TSHZ3: variants seen among roughly 807,000 people sequenced by gnomAD.
TSHZ3 encodes the protein teashirt zinc finger homeobox 3.
A neutral mutation model predicts 64.5 loss-of-function variants in TSHZ3; 10 were observed. The ratio of observed to expected loss-of-function variants is 0.16; its 90% CI spans 0.10 to 0.26. The LOEUF (loss-of-function observed/expected upper bound fraction) is 0.26, where lower values mean the gene tolerates loss of function less well. Among genes scored for constraint, TSHZ3 ranks in the 10% least tolerant of loss-of-function variants. TSHZ3 has a pLI of 1.00. For synonymous variants in TSHZ3, 608 were observed against 593.1 expected, an observed-to-expected ratio of 1.03 and a Z score of -0.36; for missense variants, 1,242 against 1,421.7, an observed-to-expected ratio of 0.87 and a Z score of 2.03.
chr19:31,206,277 G>A (rs938006017), intron 4 of TSHZ3, among the ~76,000 whole-genome samples: 24 of 151,182 alleles, frequency 1.6e-4, no homozygotes, highest in Admixed American at 4.6e-4. Flanking sequence ...GGATGGATAC[G>A]TAGATGGATG....
At position 31,334,496 on chromosome 19, in the gene TSHZ3, C is replaced by A. The variant is rs2145187157; in HGVS notation, c.40+14684G>T. On this transcript the variant is annotated intron_variant, in intron 1 of 1. Transcript: ENST00000240587. ...TTTAAGTGTTTTGGAATGTCTCTACCTACAGGGAGTCACACTGGTTAATTT... is the reference window on the plus strand; with the variant it reads ...TTTAAGTGTTTTGGAATGTCTCTACATACAGGGAGTCACACTGGTTAATTT... Among the ~76,000 whole-genome samples, 2 of 152,288 alleles carry A rather than the reference C, an allele frequency of 1.3e-5. 1 individual carries two copies. The highest frequency in any genetic ancestry group is 3.9e-4 in the East Asian group (2 of 5,176).
chr19:31,156,731 AAT>A (rs146842650), intron 5 of TSHZ3, among the ~76,000 whole-genome samples: 1,916 of 152,354 alleles, frequency 0.013, 30 homozygotes, highest in East Asian at 0.067. Flanking sequence ...GATAAAGTGC[AAT>A]ATGCTTTGTG....
At chr19:31,250,965 C>T (rs1975832513) in intron 1 of TSHZ3, among the ~76,000 whole-genome samples, 1 of 152,116 alleles carries the variant, frequency 6.6e-6, no homozygotes, top group South Asian at 2.1e-4. Context: ...CAGGGAGGGG[C>T]AGGCACACCA....
intron 1 of TSHZ3, among the ~76,000 whole-genome samples, chr19:31,304,156 G>A (rs56100208): frequency 0.021 from 3,162 of 152,212 alleles, 99 homozygotes; most frequent in African/African-American, 0.071. Context: ...TGTATTTTTA[G>A]TAGAGACGGG....
chr19:31,219,651 A>G (rs918105846), intron 4 of TSHZ3, among the ~76,000 whole-genome samples: 1 of 151,920 alleles, frequency 6.6e-6, no homozygotes, highest in Non-Finnish European at 1.5e-5. Context: ...TTTAAAGAAG[A>G]AAAACATTGA....
chr19:31,233,183 C>T (rs1340141482), intron 3 of TSHZ3, among the ~76,000 whole-genome samples: 3 of 152,172 alleles, frequency 2.0e-5, no homozygotes, highest in African/African-American at 7.2e-5. Context: ...ACACTCCCTC[C>T]CCTCCCCAGT....
Position 31,279,699 on chromosome 19 carries a change from G to A in TSHZ3, c.94C>T (p.Pro32Ser), listed in dbSNP as rs200205002. ...TCTCCATCTGCCGTATGCTCCTCTG[G>A]GTCTAAACCTTCGTCCACCAGGGCA... ...AAALVDEGLD[P>S]EEHTADGEPS... is the part of the protein sequence containing the mutation. The change falls in exon 2 of 2, where the codon CCA becomes TCA. Residue 32 changes from proline (P) to serine (S), a missense_variant. By Grantham distance (74) the Pro-to-Ser change is moderately conservative (BLOSUM62 -1). Coordinates refer to ENST00000240587, the MANE Select transcript of TSHZ3 (RefSeq NM_020856.4). The surrounding 1 kb of genome is among the most constrained non-coding windows in gnomAD (Gnocchi z 6.4). 7.5e-5 allele frequency: 115 copies of A among 1,540,942 alleles called. No homozygotes were observed. In the East Asian group the frequency reaches 2.0e-3, roughly 26 times the overall value.
chr19:31,170,302 G>A (rs967376214), intron 5 of TSHZ3, among the ~76,000 whole-genome samples: 2 of 152,102 alleles, frequency 1.3e-5, no homozygotes, highest in African/African-American at 4.8e-5. Context: ...GGGAAACAGA[G>A]CTCTGGTAGT....
intron 1 of TSHZ3, among the ~76,000 whole-genome samples, chr19:31,293,372 T>C (rs2145132669): frequency 6.6e-6 from 1 of 152,350 alleles, no homozygotes; most frequent in African/African-American, 2.4e-5. Flanking sequence ...AAAGCCCAGG[T>C]TAACCAAGCC....
intron 3 of TSHZ3, among the ~76,000 whole-genome samples, chr19:31,233,930 C>G (rs1244908733): frequency 1.6e-5 from 2 of 124,042 alleles, no homozygotes; most frequent in East Asian, 4.5e-4. Flanking sequence ...TTTGTTAATT[C>G]CTACCAAAAA....
chr19:31,242,283 T>C (rs1975701468), exon 3 of TSHZ3, among the ~76,000 whole-genome samples: 1 of 152,150 alleles, frequency 6.6e-6, no homozygotes, highest in African/African-American at 2.4e-5. Context: ...TTATGGAGGC[T>C]GAGAAGTCCT....
intron 1 of TSHZ3, among the ~76,000 whole-genome samples, chr19:31,287,720 G>A (rs1049330510): frequency 1.3e-5 from 2 of 152,096 alleles, no homozygotes; most frequent in Non-Finnish European, 2.9e-5. Context: ...GAAGAGACAA[G>A]GACAAAAGAG....
At chr19:31,321,315 G>A (rs1009560498) in intron 1 of TSHZ3, among the ~76,000 whole-genome samples, 2 of 152,202 alleles carry the variant, frequency 1.3e-5, no homozygotes, top group Admixed American at 6.5e-5. Context: ...AGGGCTGGAC[G>A]CTGCTCACTG....
chr19:31,257,636 G>T (rs988668687), intron 1 of TSHZ3, among the ~76,000 whole-genome samples: 2 of 146,096 alleles, frequency 1.4e-5, no homozygotes, highest in South Asian at 2.2e-4. Context: ...AAGTCACTGT[G>T]GTTTAAGATT....
chr19:31,310,616 C>T (rs912778635), intron 1 of TSHZ3, among the ~76,000 whole-genome samples: 6 of 152,098 alleles, frequency 3.9e-5, no homozygotes, highest in Non-Finnish European at 5.9e-5. Context: ...GGGCAGAGTG[C>T]GGGCTCTGTG....
chr19:31,207,621 T>A (rs953086717), intron 4 of TSHZ3: 3 of 152,176 alleles, frequency 2.0e-5, no homozygotes, highest in Admixed American at 6.5e-5. Flanking sequence ...AATATTACAA[T>A]GGAAACTTGT....
At chr19:31,295,777 A>G (rs1303764216) in intron 1 of TSHZ3, among the ~76,000 whole-genome samples, 1 of 151,636 alleles carries the variant, frequency 6.6e-6, no homozygotes, top group Non-Finnish European at 1.5e-5. Flanking sequence ...AGGTTCTTTA[A>G]TAATAATTTC....
intron 5 of TSHZ3, among the ~76,000 whole-genome samples, chr19:31,172,222 C>T (rs980725168): frequency 6.6e-6 from 1 of 152,212 alleles, no homozygotes; most frequent in Non-Finnish European, 1.5e-5. Context: ...CTACTGACAG[C>T]ATCAACTTAG....
rs139731726 is a variant in TSHZ3 at position 31,279,887 on chromosome 19, C to T, written c.41-135G>A. ...AATATGTTCTGGGCTCTCAGGAAAACACAGCAACCCAGATGGGTACATGTA... is the reference window on the plus strand; with the variant it reads ...AATATGTTCTGGGCTCTCAGGAAAATACAGCAACCCAGATGGGTACATGTA... On this transcript the variant is annotated intron_variant, in intron 1 of 1. Transcript: ENST00000240587. The surrounding 1 kb of genome is among the most constrained non-coding windows in gnomAD (Gnocchi z 6.4). 2.6e-4 allele frequency: 174 copies of T among 664,350 alleles called. 1 individual carries two copies. The highest frequency in any genetic ancestry group is 3.5e-4 in the Non-Finnish European group (159 of 450,914). 41.2% of individuals were successfully genotyped at this position (664,350 alleles called of 1,614,324 possible). A position where few individuals can be genotyped will look rare whatever the true frequency, so the allele number is the denominator to read the frequency against.
Sources: gnomAD v4.1 joint callset for allele counts (sites outside exome capture counted in the v4.1 genomes callset) on GRCh38, gnomAD v4.1.1 for gene constraint, Gnocchi (gnomAD v3.1) non-coding constraint, MANE v1.5 for transcripts, NCBI Gene and HGNC (gene_info 2026-07-23, HGNC 2026-07-21) for gene names.